Variants in LRRC4C observed in about 807,000 individuals in gnomAD.
LRRC4C encodes leucine-rich repeat-containing protein 4C.
LRRC4C carries 5 observed loss-of-function variants against 33.6 expected under a neutral mutation model. The observed-to-expected ratio is 0.15, with a 90% CI of 0.08 to 0.31. LRRC4C has a LOEUF of 0.31. Ranked by LOEUF, LRRC4C falls within the 10% of genes least tolerant of loss-of-function variation. The probability of loss-of-function intolerance (pLI) is 1.00; values close to 1 mark genes in which losing one functional copy is unlikely to be tolerated. For synonymous variants in LRRC4C, 329 were observed against 302.0 expected (o/e 1.09, Z -0.93); for missense variants, 560 against 796.7 (o/e 0.70, Z 3.58).
intron 2 of LRRC4C, among the ~76,000 whole-genome samples, chr11:40,693,888 TC>T (rs905947800): frequency 6.6e-6 from 1 of 152,138 alleles, no homozygotes; most frequent in East Asian, 1.9e-4. Flanking sequence ...CCGCATTGTG[TC>T]CAGACACACT....
intron 1 of LRRC4C, among the ~76,000 whole-genome samples, chr11:41,326,216 A>G (rs924260111): frequency 2.6e-5 from 4 of 152,190 alleles, no homozygotes; most frequent in Non-Finnish European, 4.4e-5. Context: ...TCAGAAAGTC[A>G]TCCTTCTCCA....
chr11:40,615,927 A>G (rs569067039), intron 3 of LRRC4C, among the ~76,000 whole-genome samples: 2 of 151,942 alleles, frequency 1.3e-5, no homozygotes, highest in East Asian at 3.9e-4. Context: ...CCTGGAATTG[A>G]ATTCTGTTTT....
intron 1 of LRRC4C, among the ~76,000 whole-genome samples, chr11:41,291,648 G>A (rs374277544): frequency 2.2e-4 from 34 of 152,178 alleles, no homozygotes; most frequent in African/African-American, 7.9e-4. Context: ...AGTTACAGGA[G>A]CCTATACAAA....
At chr11:41,152,012 C>T (rs963989896) in intron 1 of LRRC4C, among the ~76,000 whole-genome samples, 4 of 152,276 alleles carry the variant, frequency 2.6e-5, no homozygotes, top group African/African-American at 9.6e-5. Flanking sequence ...ACATCCACTA[C>T]CCACCCTTCT....
At chr11:41,195,607 G>A (rs748753705) in intron 1 of LRRC4C, among the ~76,000 whole-genome samples, 9 of 152,068 alleles carry the variant, frequency 5.9e-5, no homozygotes, top group Admixed American at 2.6e-4. Flanking sequence ...ACAGGTATGC[G>A]TTGACTTAGA....
intron 2 of LRRC4C, among the ~76,000 whole-genome samples, chr11:40,760,198 A>C (rs529213571): frequency 5.9e-5 from 9 of 152,234 alleles, no homozygotes; most frequent in Non-Finnish European, 1.0e-4. Context: ...TGAAGGTTTG[A>C]AAATTGTCAA....
chr11:40,713,011 C>T (rs375594709), intron 2 of LRRC4C, among the ~76,000 whole-genome samples: 13 of 151,298 alleles, frequency 8.6e-5, no homozygotes, highest in African/African-American at 2.2e-4. Flanking sequence ...GCCTCAGTCT[C>T]CGGAGTAGCT....
intron 3 of LRRC4C, among the ~76,000 whole-genome samples, chr11:40,537,595 A>T (rs1353496574): frequency 6.6e-6 from 1 of 152,072 alleles, no homozygotes; most frequent in East Asian, 1.9e-4. Flanking sequence ...AATTTAAATC[A>T]CCCTTTTCTA....
intron 3 of LRRC4C, among the ~76,000 whole-genome samples, chr11:40,381,230 A>G (rs1421026173): frequency 2.0e-5 from 1 of 50,512 alleles, no homozygotes; most frequent in African/African-American, 6.6e-5. Context: ...CTTTAAAATG[A>G]AAAAAAAAAA....
intron 3 of LRRC4C, among the ~76,000 whole-genome samples, chr11:40,416,075 C>A (rs1950314404): frequency 6.6e-6 from 1 of 152,078 alleles, no homozygotes; most frequent in Non-Finnish European, 1.5e-5. Context: ...CAATAAATAA[C>A]AACAACAGCA....
chr11:40,297,826 T>A (rs1407206213), intron 4 of LRRC4C, among the ~76,000 whole-genome samples: 7 of 152,082 alleles, frequency 4.6e-5, no homozygotes, highest in Non-Finnish European at 8.8e-5. Flanking sequence ...GGACTTGAGG[T>A]TAAATAAGGG....
chr11:40,166,610 C>T (rs1039954489), intron 5 of LRRC4C, among the ~76,000 whole-genome samples: 4 of 151,926 alleles, frequency 2.6e-5, no homozygotes, highest in African/African-American at 9.7e-5. Flanking sequence ...TTTTTTAAAG[C>T]CTCACATAGT....
chr11:40,144,698 TTAAGAAAGTTAAAGTA>T (rs1170193617), intron 5 of LRRC4C, among the ~76,000 whole-genome samples: 1 of 152,184 alleles, frequency 6.6e-6, no homozygotes, highest in African/African-American at 2.4e-5. Flanking sequence ...CATTTTGCAG[TTAAGAAAGTTAAAGTA>T]TAAGAAAGTT....
chr11:40,184,468 A>T (rs1207088872), intron 5 of LRRC4C, among the ~76,000 whole-genome samples: 1 of 152,188 alleles, frequency 6.6e-6, no homozygotes, highest in Non-Finnish European at 1.5e-5. Flanking sequence ...AAAACAAGGG[A>T]ATAATCACAG....
At chr11:40,892,232 C>T (rs1415196387) in intron 2 of LRRC4C, among the ~76,000 whole-genome samples, 2 of 151,574 alleles carry the variant, frequency 1.3e-5, no homozygotes, top group Non-Finnish European at 2.9e-5. Flanking sequence ...CTAGACAGAC[C>T]CAAAAGAAAG....
At chr11:41,187,771 C>A (rs932968644) in intron 1 of LRRC4C, among the ~76,000 whole-genome samples, 12 of 152,258 alleles carry the variant, frequency 7.9e-5, no homozygotes, top group Admixed American at 1.3e-4. Flanking sequence ...GAGCATTCAC[C>A]CCTAGACGCT....
intron 3 of LRRC4C, among the ~76,000 whole-genome samples, chr11:40,415,487 T>TG (rs1457630579): frequency 7.2e-5 from 11 of 152,120 alleles, no homozygotes; most frequent in Admixed American, 1.3e-4. Flanking sequence ...CTGCAATATG[T>TG]GAGAGTTCAG....
At chr11:40,755,263 A>G (rs1948890874) in intron 2 of LRRC4C, among the ~76,000 whole-genome samples, 1 of 152,124 alleles carries the variant, frequency 6.6e-6, no homozygotes, top group African/African-American at 2.4e-5. Context: ...ATGCCAGGCA[A>G]TATGATGAGC....
intron 2 of LRRC4C, among the ~76,000 whole-genome samples, chr11:40,687,946 T>C (rs1945039469): frequency 6.6e-6 from 1 of 151,872 alleles, no homozygotes; most frequent in African/African-American, 2.4e-5. Flanking sequence ...AATAAATACC[T>C]GGATAAACAA....
Sources: gnomAD v4.1 joint callset for allele counts (sites outside exome capture counted in the v4.1 genomes callset) on GRCh38, gnomAD v4.1.1 for gene constraint, MANE v1.5 for transcripts, NCBI Gene and HGNC (gene_info 2026-07-23, HGNC 2026-07-21) for gene names.